GRB10: variants seen among roughly 807,000 people sequenced by gnomAD.
The protein encoded by GRB10 is growth factor receptor bound protein 10, also known as growth factor receptor-bound protein 10.
GRB10 carries 20 observed loss-of-function variants against 80.9 expected under a neutral mutation model. That is an observed-to-expected ratio of 0.25 (90% CI 0.17 to 0.36). GRB10 has a LOEUF of 0.36. Among genes scored for constraint, GRB10 ranks in the 10% least tolerant of loss-of-function variants. The probability of loss-of-function intolerance (pLI) is 1.00; values close to 1 mark genes in which losing one functional copy is unlikely to be tolerated. For missense variants in GRB10, 548 were observed against 747.7 expected (o/e 0.73, Z 3.12); for synonymous variants, 291 against 291.5 (o/e 1.00, Z 0.02).
intron 7 of GRB10, among the ~76,000 whole-genome samples, chr7:50,643,492 G>C (rs2056658092): frequency 6.6e-6 from 1 of 152,176 alleles, no homozygotes; most frequent in Admixed American, 6.5e-5. Context: ...GGAAACTAGA[G>C]ATCTTAAAGT....
intron 2 of GRB10, among the ~76,000 whole-genome samples, chr7:50,770,291 C>T (rs1411749457): frequency 6.6e-6 from 1 of 152,190 alleles, no homozygotes; most frequent in Admixed American, 6.5e-5. Flanking sequence ...CCTCATTTGG[C>T]ACATAATAGT....
intron 3 of GRB10, among the ~76,000 whole-genome samples, chr7:50,738,760 A>C (rs1479694019): frequency 6.6e-6 from 1 of 152,226 alleles, no homozygotes; most frequent in African/African-American, 2.4e-5. Flanking sequence ...CAGTAGATAG[A>C]TAGCAGCTTT....
At chr7:50,686,735 T>C (rs138125066) in intron 5 of GRB10, among the ~76,000 whole-genome samples, 1,763 of 152,302 alleles carry the variant, frequency 0.012, 35 homozygotes, top group Non-Finnish European at 0.013. Context: ...TAGTTCAAGC[T>C]TTTCCTCATC....
At chr7:50,706,862 G>T (rs557993666) in intron 4 of GRB10, among the ~76,000 whole-genome samples, 2 of 152,300 alleles carry the variant, frequency 1.3e-5, no homozygotes, top group East Asian at 3.9e-4. Context: ...TGGAAAACAA[G>T]CCAGGCTGAG....
upstream of GRB10, among the ~76,000 whole-genome samples, chr7:50,785,225 GCTCA>G (rs1425760641): frequency 3.9e-5 from 6 of 152,330 alleles, no homozygotes; most frequent in Non-Finnish European, 8.8e-5. Context: ...ACAGTTAAAT[GCTCA>G]CTCACACAGG....
chr7:50,634,529 C>T (rs988642101), intron 7 of GRB10, among the ~76,000 whole-genome samples: 7 of 152,134 alleles, frequency 4.6e-5, no homozygotes, highest in African/African-American at 9.7e-5. Flanking sequence ...AGGAATAACA[C>T]TTCAAATACC....
At chr7:50,678,578 T>C (rs943987281) in intron 5 of GRB10, among the ~76,000 whole-genome samples, 7 of 152,258 alleles carry the variant, frequency 4.6e-5, no homozygotes, top group African/African-American at 1.7e-4. Context: ...TAAGCTTCAC[T>C]AAATTCTAAC....
intron 5 of GRB10, among the ~76,000 whole-genome samples, chr7:50,684,286 A>AG (rs1409505258): frequency 6.6e-6 from 1 of 150,480 alleles, no homozygotes; most frequent in Admixed American, 6.6e-5. Context: ...AAAAAAAAAA[A>AG]AAGGTAAGGT....
intron 4 of GRB10, among the ~76,000 whole-genome samples, chr7:50,711,469 A>G (rs1270246259): frequency 6.6e-6 from 1 of 152,250 alleles, no homozygotes; most frequent in African/African-American, 2.4e-5. Context: ...CTGAGTCTGC[A>G]GATGAACATG....
At chr7:50,713,996 ATCCACC>A (rs2066416498) in intron 4 of GRB10, among the ~76,000 whole-genome samples, 1 of 146,464 alleles carries the variant, frequency 6.8e-6, no homozygotes, top group African/African-American at 2.5e-5. Context: ...CTACCAACAC[ATCCACC>A]TCCACACTCT....
intron 17 of GRB10, among the ~76,000 whole-genome samples, chr7:50,596,337 C>T (rs1217315204): frequency 6.6e-6 from 1 of 152,158 alleles, no homozygotes; most frequent in East Asian, 1.9e-4. Flanking sequence ...TGAGGGCTTC[C>T]GGAGACGATG....
intron 7 of GRB10, among the ~76,000 whole-genome samples, chr7:50,657,504 T>C (rs747309854): frequency 1.3e-5 from 2 of 152,138 alleles, no homozygotes; most frequent in Non-Finnish European, 2.9e-5. Flanking sequence ...CGCCGGTACA[T>C]GGTGTTCCCA....
intron 2 of GRB10, among the ~76,000 whole-genome samples, chr7:50,768,433 T>A (rs761789793): frequency 6.6e-6 from 1 of 152,218 alleles, no homozygotes; most frequent in Non-Finnish European, 1.5e-5. Flanking sequence ...CCCAGGTTCA[T>A]TGTGGTCAGC....
intron 4 of GRB10, among the ~76,000 whole-genome samples, chr7:50,727,640 C>T (rs1452716197): frequency 6.6e-6 from 1 of 152,010 alleles, no homozygotes; most frequent in Non-Finnish European, 1.5e-5. Flanking sequence ...AACCAAATGC[C>T]ATCTATTTGT....
intron 5 of GRB10, among the ~76,000 whole-genome samples, chr7:50,701,217 A>T (rs1402201800): frequency 6.6e-6 from 1 of 152,154 alleles, no homozygotes; most frequent in Non-Finnish European, 1.5e-5. Context: ...TTAAATACAC[A>T]ATTGATTATT....
At chr7:50,743,184 AT>A (rs1312534929) in intron 3 of GRB10, among the ~76,000 whole-genome samples, 1 of 152,264 alleles carries the variant, frequency 6.6e-6, no homozygotes, top group Non-Finnish European at 1.5e-5. Context: ...GCAGCAAAGC[AT>A]GACCTCATTG....
At chr7:50,623,360 G>T (rs2052239096) in intron 8 of GRB10, among the ~76,000 whole-genome samples, 1 of 152,226 alleles carries the variant, frequency 6.6e-6, no homozygotes, top group South Asian at 2.1e-4. Context: ...AGGGCAAGGG[G>T]CTTTGCAACA....
intron 5 of GRB10, among the ~76,000 whole-genome samples, chr7:50,674,969 C>T (rs141875817): frequency 1.4e-4 from 22 of 152,170 alleles, no homozygotes; most frequent in African/African-American, 4.6e-4. Flanking sequence ...CTCCCCACCC[C>T]CTCCGGTAGG....
At chr7:50,684,121 A>C (rs2061838252) in intron 5 of GRB10, among the ~76,000 whole-genome samples, 2 of 152,188 alleles carry the variant, frequency 1.3e-5, no homozygotes, top group African/African-American at 2.4e-5. Context: ...AAATGTAGAA[A>C]GTCTATCTCC....
Sources: gnomAD v4.1 joint callset for allele counts (sites outside exome capture counted in the v4.1 genomes callset) on GRCh38, gnomAD v4.1.1 for gene constraint, MANE v1.5 for transcripts, NCBI Gene and HGNC (gene_info 2026-07-23, HGNC 2026-07-21) for gene names.